The following CLASP2 variants were observed in gnomAD, a reference collection of about 807,000 sequenced individuals.
CLASP2 encodes the protein cytoplasmic linker associated protein 2.
A neutral mutation model predicts 194.4 loss-of-function variants in CLASP2; 47 were observed. The ratio of observed to expected loss-of-function variants is 0.24; its 90% CI spans 0.19 to 0.31. CLASP2 has a LOEUF of 0.31. CLASP2 is among the 10% of genes least tolerant of loss of function. CLASP2 has a pLI of 1.00. For missense variants in CLASP2, 1,445 were observed against 1,823.6 expected (o/e 0.79, Z 3.78); for synonymous variants, 619 against 633.5 (o/e 0.98, Z 0.34).
At chr3:33,597,399 T>C (rs551694958) in intron 18 of CLASP2, among the ~76,000 whole-genome samples, 1 of 152,136 alleles carries the variant, frequency 6.6e-6, no homozygotes, top group Non-Finnish European at 1.5e-5. Context: ...TCTTAAGAAG[T>C]GTATGCTTGT....
At chr3:33,586,763 A>T (rs192026308) in intron 21 of CLASP2, among the ~76,000 whole-genome samples, 1 of 152,262 alleles carries the variant, frequency 6.6e-6, no homozygotes, top group East Asian at 1.9e-4. Flanking sequence ...CACTACTTCT[A>T]CCCAGTAAGA....
Position 33,596,726 on chromosome 3 carries a change from A to AAGT in CLASP2, c.1930_1932dup (p.Thr644dup). The AAGT allele has an allele frequency of 6.4e-7, 1 of 1,567,954 alleles. No homozygotes were observed. The highest frequency in any genetic ancestry group is 1.8e-5 in the Admixed American group (1 of 54,418). ...AAGTTCTTACCATCCAGCTTGTCAG[A>AAGT]AGTATCCTCTTTGATGAAAGCACAA... On this transcript the variant is annotated inframe_insertion, in exon 19 of 39. Transcript: ENST00000682230.
intron 5 of CLASP2, among the ~76,000 whole-genome samples, chr3:33,685,339 T>G (rs2090506405): frequency 4.4e-5 from 2 of 45,502 alleles, no homozygotes; most frequent in Non-Finnish European, 8.2e-5. Flanking sequence ...CGAAACTCCG[T>G]CTCAAAAAAA....
chr3:33,533,907 T>C lies in CLASP2; in HGVS notation c.3787+1326A>G, dbSNP rs1479167963. Among the ~76,000 whole-genome samples, 3 of 152,082 alleles carry C rather than the reference T, an allele frequency of 2.0e-5. No homozygotes were observed. The East Asian group carries it at 5.8e-4, about 29-fold the overall frequency. On this transcript the variant is annotated intron_variant, in intron 34 of 38. Coordinates refer to ENST00000682230, the MANE Select transcript of CLASP2 (RefSeq NM_001365631.1). ...AATTTTCATATTTTTAGTAGAGAAG[T>C]TTTCACTATGTTGGTCAGGCTGGTC...
chr3:33,503,676 C>T (rs1354634445), intron 37 of CLASP2: 1 of 152,142 alleles, frequency 6.6e-6, no homozygotes. Context: ...GATTCACCCG[C>T]CTCGGACTCC....
intron 25 of CLASP2, among the ~76,000 whole-genome samples, chr3:33,571,115 G>A (rs1474326152): frequency 1.3e-5 from 2 of 150,512 alleles, no homozygotes; most frequent in African/African-American, 2.4e-5. Context: ...CCGGGTTCAC[G>A]CCATTCTCCT....
chr3:33,706,867 A>G (rs2092711412), intron 1 of CLASP2, among the ~76,000 whole-genome samples: 2 of 152,262 alleles, frequency 1.3e-5, no homozygotes, highest in East Asian at 3.9e-4. Flanking sequence ...TGGGAGGCTG[A>G]CATAAGAGCA....
intron 34 of CLASP2, among the ~76,000 whole-genome samples, chr3:33,528,754 T>G (rs1026929536): frequency 6.6e-6 from 1 of 150,582 alleles, no homozygotes; most frequent in African/African-American, 2.5e-5. Flanking sequence ...AGAGCAAGAC[T>G]GCATCTCGAA....
chr3:33,678,870 T>C (rs1414994366), intron 6 of CLASP2, among the ~76,000 whole-genome samples: 1 of 152,220 alleles, frequency 6.6e-6, no homozygotes, highest in African/African-American at 2.4e-5. Flanking sequence ...TTCAATGCAA[T>C]TCCAATCAAT....
chr3:33,539,909 C>T (rs1268611969), intron 32 of CLASP2, among the ~76,000 whole-genome samples: 1 of 120,604 alleles, frequency 8.3e-6, no homozygotes, highest in African/African-American at 3.2e-5. Flanking sequence ...ATTTTTAATA[C>T]TGAATATAAT....
intron 27 of CLASP2, among the ~76,000 whole-genome samples, chr3:33,562,766 C>T (rs531923103): frequency 3.3e-5 from 5 of 152,124 alleles, no homozygotes; most frequent in Non-Finnish European, 5.9e-5. Flanking sequence ...CATTAGAATG[C>T]CTAGGTCAAC....
chr3:33,501,617 G>A (rs562803826), intron 38 of CLASP2, 35 bp downstream of exon 38: 2 of 1,276,134 alleles, frequency 1.6e-6, no homozygotes, highest in East Asian at 2.3e-5. Flanking sequence ...GATGTACTAT[G>A]GCCACCATCT....
chr3:33,668,900 G>GGAGA (rs2086656348), intron 6 of CLASP2, among the ~76,000 whole-genome samples: 1 of 152,134 alleles, frequency 6.6e-6, no homozygotes, highest in Non-Finnish European at 1.5e-5. Context: ...CTTCGAGGAG[G>GGAGA]GAGAAATGGT....
intron 18 of CLASP2, among the ~76,000 whole-genome samples, chr3:33,600,996 T>G (rs2071973095): frequency 7.1e-6 from 1 of 139,948 alleles, no homozygotes; most frequent in African/African-American, 2.6e-5. Flanking sequence ...TCTTGCTCCG[T>G]CCCTCAGGCT....
chr3:33,713,038 A>G (rs2154358685), intron 1 of CLASP2, among the ~76,000 whole-genome samples: 1 of 145,082 alleles, frequency 6.9e-6, no homozygotes, highest in Admixed American at 7.1e-5. Flanking sequence ...AAAAAAAAAA[A>G]AGAAAGTGTG....
chr3:33,504,415 G>A (rs2047586139), intron 37 of CLASP2: 1 of 152,176 alleles, frequency 6.6e-6, no homozygotes, highest in African/African-American at 2.4e-5. Context: ...GTTAGCCAGT[G>A]ACCTGACAGA....
chr3:33,653,155 C>T (rs555495367), intron 7 of CLASP2, among the ~76,000 whole-genome samples: 9 of 152,148 alleles, frequency 5.9e-5, no homozygotes, highest in Admixed American at 1.3e-4. Context: ...AAACCCACTG[C>T]TCAATATTAG....
chr3:33,653,531 CT>C (rs1288015442), intron 7 of CLASP2, among the ~76,000 whole-genome samples: 1 of 151,272 alleles, frequency 6.6e-6, no homozygotes, highest in Non-Finnish European at 1.5e-5. Flanking sequence ...TCAAAACAAA[CT>C]GTAAAAAGAT....
intron 6 of CLASP2, among the ~76,000 whole-genome samples, chr3:33,682,228 A>G (rs1242507376): frequency 2.0e-5 from 3 of 152,154 alleles, no homozygotes; most frequent in Non-Finnish European, 2.9e-5. Context: ...CCCTAACTAC[A>G]TATTTGATAT....
Sources: allele counts gnomAD v4.1 joint callset (sites outside exome capture counted in the v4.1 genomes callset), GRCh38; gene constraint gnomAD v4.1.1; transcripts MANE v1.5; gene names NCBI Gene and HGNC (gene_info 2026-07-23, HGNC 2026-07-21).